The following USP46 variants were observed in gnomAD, a reference collection of about 807,000 sequenced individuals.
USP46 encodes ubiquitin carboxyl-terminal hydrolase 46.
USP46 carries 12 observed loss-of-function variants against 44.4 expected under a neutral mutation model. The ratio of observed to expected loss-of-function variants is 0.27; its 90% CI spans 0.17 to 0.44. The LOEUF is 0.44. Ranked by LOEUF, USP46 falls within the 20% of genes least tolerant of loss-of-function variation. The pLI is 1.00. For synonymous variants in USP46, 155 were observed against 161.5 expected, an observed-to-expected ratio of 0.96 and a Z score of 0.31; for missense variants, 248 against 444.8, an observed-to-expected ratio of 0.56 and a Z score of 3.98.
chr4:52,646,899 G>C (rs1361657248), intron 1 of USP46, among the ~76,000 whole-genome samples: 1 of 152,258 alleles, frequency 6.6e-6, no homozygotes, highest in Non-Finnish European at 1.5e-5. Flanking sequence ...TGGCAAGGCT[G>C]CAGGCAGCCA....
chr4:52,632,756 A>G (rs1052561033), intron 1 of USP46, among the ~76,000 whole-genome samples: 1 of 151,294 alleles, frequency 6.6e-6, no homozygotes, highest in Admixed American at 6.6e-5. Context: ...CTGTGCAGTG[A>G]GCTGTGATGG....
intron 1 of USP46, 76 bp from the exon 2 acceptor site, chr4:52,631,220 C>T (rs1560404920): frequency 1.7e-6 from 2 of 1,150,974 alleles, no homozygotes; most frequent in Admixed American, 4.7e-5. Context: ...AAAGAGTCTA[C>T]TATTGAGACA....
At chr4:52,602,938 T>C (rs975277915) in intron 6 of USP46, among the ~76,000 whole-genome samples, 15 of 152,334 alleles carry the variant, frequency 9.8e-5, no homozygotes, top group African/African-American at 3.6e-4. Flanking sequence ...ACTGCTAGAA[T>C]AGAGGGTCTT....
chr4:52,623,896 G>C (rs542697677), intron 4 of USP46, among the ~76,000 whole-genome samples: 2 of 151,872 alleles, frequency 1.3e-5, no homozygotes, highest in African/African-American at 4.8e-5. Context: ...CTCCAGCCTA[G>C]GCAGCAGAGC....
At chr4:52,658,876 C>T (rs976301100) in intron 1 of USP46, among the ~76,000 whole-genome samples, 19 of 151,676 alleles carry the variant, frequency 1.3e-4, no homozygotes, top group Non-Finnish European at 2.7e-4. Flanking sequence ...AGCGCGGCCC[C>T]GGGATCGCCG....
intron 1 of USP46, among the ~76,000 whole-genome samples, chr4:52,642,360 G>C (rs1346571436): frequency 6.6e-6 from 1 of 152,224 alleles, no homozygotes; most frequent in Non-Finnish European, 1.5e-5. Context: ...AAAACTGAGA[G>C]GGCAGGGAAC....
At chr4:52,612,492 C>T (rs1284350843) in intron 4 of USP46, among the ~76,000 whole-genome samples, 2 of 152,196 alleles carry the variant, frequency 1.3e-5, no homozygotes, top group Admixed American at 1.3e-4. Context: ...TTGCCTTGGC[C>T]AGTGGGATGC....
intron 1 of USP46, among the ~76,000 whole-genome samples, chr4:52,646,223 G>A (rs1439317285): frequency 1.3e-5 from 2 of 152,166 alleles, no homozygotes; most frequent in Non-Finnish European, 2.9e-5. Context: ...CCACCTTACA[G>A]CATGGGGAGC....
At chr4:52,654,540 A>G (rs1718883977) in intron 1 of USP46, among the ~76,000 whole-genome samples, 1 of 152,178 alleles carries the variant, frequency 6.6e-6, no homozygotes, top group African/African-American at 2.4e-5. Flanking sequence ...TTTATATGAT[A>G]CATTTTTATT....
rs980700612 is a variant in USP46 at position 52,596,574 on chromosome 4, G to C, written c.*1066C>G. The C allele has an allele frequency of 1.3e-5, 2 of 152,184 alleles. No individual in the cohort carries two copies. The highest frequency in any genetic ancestry group is 4.8e-5 in the African/African-American group (2 of 41,430). 9.4% of individuals were successfully genotyped at this position (152,184 alleles called of 1,614,324 possible). On this transcript the variant is annotated 3_prime_UTR_variant, in exon 9 of 9. Transcript: ENST00000441222. Reference sequence around the variant, plus strand: ...GCCACCTCTATACCCAGCTAACTCTGGTATTCCCTCTAGGGAAGGTTCTGT... The same window carrying C: ...GCCACCTCTATACCCAGCTAACTCTCGTATTCCCTCTAGGGAAGGTTCTGT...
chr4:52,629,757 T>C (rs1236316737), intron 2 of USP46: 4 of 456,178 alleles, frequency 8.8e-6, no homozygotes, highest in Non-Finnish European at 1.8e-5. Context: ...GGGTTTTAAA[T>C]AGGCGCTCTC....
chr4:52,602,308 A>G (rs1716505997), intron 6 of USP46, among the ~76,000 whole-genome samples: 1 of 152,190 alleles, frequency 6.6e-6, no homozygotes, highest in Non-Finnish European at 1.5e-5. Flanking sequence ...GAATTTTTGT[A>G]CAAATAAAAA....
chr4:52,605,656 C>T (rs1716659208), intron 5 of USP46, among the ~76,000 whole-genome samples: 1 of 152,206 alleles, frequency 6.6e-6, no homozygotes, highest in African/African-American at 2.4e-5. Context: ...AGAATAACTG[C>T]CTTCATACGG....
intron 5 of USP46, among the ~76,000 whole-genome samples, chr4:52,606,435 A>G (rs1197318231): frequency 2.0e-5 from 3 of 152,224 alleles, no homozygotes; most frequent in African/African-American, 7.2e-5. Context: ...TCATGGCAGA[A>G]GGCAAAGGAG....
At chr4:52,623,038 GA>G (rs1271160783) in intron 4 of USP46, among the ~76,000 whole-genome samples, 2 of 152,134 alleles carry the variant, frequency 1.3e-5, no homozygotes, top group East Asian at 1.9e-4. Context: ...AAGGCCAGAG[GA>G]AAAAACAGAG....
At chr4:52,621,324 T>C (rs1717368137) in intron 4 of USP46, among the ~76,000 whole-genome samples, 2 of 152,068 alleles carry the variant, frequency 1.3e-5, no homozygotes, top group African/African-American at 4.8e-5. Flanking sequence ...CCCAATTCAG[T>C]TTATTACAAA....
chr4:52,606,074 C>A (rs746295018), intron 5 of USP46, among the ~76,000 whole-genome samples: 3 of 152,196 alleles, frequency 2.0e-5, no homozygotes, highest in Non-Finnish European at 4.4e-5. Flanking sequence ...ACTTGCCTCC[C>A]CTCTATGTGG....
At chr4:52,633,360 T>C (rs371619834) in intron 1 of USP46, among the ~76,000 whole-genome samples, 12 of 152,212 alleles carry the variant, frequency 7.9e-5, no homozygotes, top group African/African-American at 2.9e-4. Context: ...TCTAGGATAG[T>C]TTCCATGTCT....
At chr4:52,640,085 C>A in intron 1 of USP46, among the ~76,000 whole-genome samples, 1 of 151,858 alleles carries the variant, frequency 6.6e-6, no homozygotes, top group African/African-American at 2.4e-5. Flanking sequence ...ATGGGAGTAA[C>A]TTGAATTGGG....
Sources: allele counts gnomAD v4.1 joint callset (sites outside exome capture counted in the v4.1 genomes callset), GRCh38; gene constraint gnomAD v4.1.1; transcripts MANE v1.5; gene names NCBI Gene and HGNC (gene_info 2026-07-23, HGNC 2026-07-21).